STAT5B: variants seen among roughly 807,000 people sequenced by gnomAD.
The protein encoded by STAT5B is signal transducer and activator of transcription 5B.
STAT5B carries 21 observed loss-of-function variants against 107.8 expected under a neutral mutation model. The ratio of observed to expected loss-of-function variants is 0.19; its 90% CI spans 0.14 to 0.28. The LOEUF (loss-of-function observed/expected upper bound fraction) is 0.28, where lower values mean the gene tolerates loss of function less well. Among genes scored for constraint, STAT5B ranks in the 10% least tolerant of loss-of-function variants. STAT5B has a pLI of 1.00. For synonymous variants in STAT5B, 325 were observed against 401.7 expected (o/e 0.81, Z 2.28); for missense variants, 565 against 1,008.2 (o/e 0.56, Z 5.95).
In STAT5B at chr17:42,203,464, GAC is replaced by G. The variant is rs1368442601; in HGVS notation, c.2078-658_2078-657del. 2.0e-5 allele frequency among the ~76,000 whole-genome samples: 3 copies of G among 151,828 alleles called. No homozygotes were observed. In the East Asian group the frequency reaches 5.8e-4, roughly 29 times the overall value. ...CTTAAAGTCCAAGATGCAGCAGAGA[GAC>G]AGGATTTGTTCTACCTGACCCAGGG... On this transcript the variant is annotated intron_variant, in intron 16 of 18. Coordinates refer to ENST00000293328, the MANE Select transcript of STAT5B (RefSeq NM_012448.4).
chr17:42,238,092 TTCTATCCATCCATCCA>T (rs148387348), intron 1 of STAT5B, among the ~76,000 whole-genome samples: 2,902 of 140,204 alleles, frequency 0.021, 97 homozygotes, highest in African/African-American at 0.072. Context: ...GTATAAACTT[TTCTATCCATCCATCCA>T]TCCATCCATC....
intron 1 of STAT5B, among the ~76,000 whole-genome samples, chr17:42,241,420 A>G (rs548090833): frequency 6.6e-6 from 1 of 151,590 alleles, no homozygotes; most frequent in East Asian, 1.9e-4. Context: ...AATATATTAA[A>G]TGGTGGTGGT....
At position 42,200,950 on chromosome 17, in the gene STAT5B, TCA is replaced by T; in HGVS notation, c.*786_*787del. 1 of 397,836 alleles carries T rather than the reference TCA, an allele frequency of 2.5e-6. No homozygotes were observed. Among genetic ancestry groups the T allele is most frequent in the East Asian group, 3.5e-5 (1 of 28,196 alleles). 24.6% of individuals were successfully genotyped at this position (397,836 alleles called of 1,614,324 possible). A position where few individuals can be genotyped will look rare whatever the true frequency, so the allele number is the denominator to read the frequency against. ...CAAACGGCATTGGCACTGTAAGCTC[TCA>T]GTTACGTGGCCCTCTTTTCTCTCCT... On this transcript the variant is annotated 3_prime_UTR_variant, in exon 19 of 19. Coordinates refer to ENST00000293328, the MANE Select transcript of STAT5B (RefSeq NM_012448.4).
chr17:42,285,103 T>C, the STAT5B span, among the ~76,000 whole-genome samples: 5 of 152,046 alleles, frequency 3.3e-5, no homozygotes, highest in Admixed American at 1.3e-4. Context: ...CTTTTCTTTT[T>C]TTTTGAGACA....
chr17:42,241,644 T>C (rs1231468538), intron 1 of STAT5B, among the ~76,000 whole-genome samples: 3 of 152,092 alleles, frequency 2.0e-5, no homozygotes, highest in Non-Finnish European at 4.4e-5. Context: ...GGTTTTACCA[T>C]GTTGGCCAGG....
chr17:42,281,634 G>A (rs969725182), upstream of STAT5B, among the ~76,000 whole-genome samples: 8 of 152,170 alleles, frequency 5.3e-5, no homozygotes, highest in Non-Finnish European at 7.3e-5. Context: ...GGACGGGAGC[G>A]ATGGATGTGC....
Position 42,201,762 on chromosome 17 carries a change from C to T in STAT5B, c.2340G>A (p.Gln780=). 3.1e-6 allele frequency: 5 copies of T among 1,613,852 alleles called. No individual in the cohort carries two copies. Among genetic ancestry groups the T allele is most frequent in the South Asian group, 1.1e-5 (1 of 91,086 alleles). The change falls in exon 19 of 19, where the codon CAG becomes CAA. Residue 780 remains glutamine, a synonymous_variant. Transcript: ENST00000293328. ...GTCACGATTGTGCGTGCGGGATCCA[C>T]TGACTGTCCATTGGCCGGCCCAGGA... ...EELLGRPMDS[Q]WIPHAQS is the part of the protein sequence containing the mutation.
chr17:42,199,297 A>G lies in STAT5B; in HGVS notation c.*2441T>C, dbSNP rs1176159762. 1.3e-5 allele frequency: 2 copies of G among 152,470 alleles called. No homozygotes were observed. The highest frequency in any genetic ancestry group is 4.8e-5 in the African/African-American group (2 of 41,458). 9.4% of individuals were successfully genotyped at this position (152,470 alleles called of 1,614,324 possible). On this transcript the variant is annotated 3_prime_UTR_variant, in exon 19 of 19. Transcript: ENST00000293328. ...AATTTGAGGCCCCAAATTGTACACAATACTTTTTTTTGGTGGCTAAATAAC... is the reference window on the plus strand; with the variant it reads ...AATTTGAGGCCCCAAATTGTACACAGTACTTTTTTTTGGTGGCTAAATAAC...
intron 1 of STAT5B, among the ~76,000 whole-genome samples, chr17:42,275,868 G>T (rs1014196830): frequency 6.6e-6 from 1 of 152,112 alleles, no homozygotes; most frequent in Non-Finnish European, 1.5e-5. Context: ...GACGGCTGGG[G>T]ATATTCGGAA....
rs981219510 is a variant in STAT5B at position 42,216,825 on chromosome 17, G to A, written c.1380+335C>T. Among the ~76,000 whole-genome samples, 8 of 151,902 alleles carry A rather than the reference G, an allele frequency of 5.3e-5. No homozygotes were observed. In the South Asian group the frequency reaches 6.2e-4, roughly 12 times the overall value. On this transcript the variant is annotated intron_variant, in intron 11 of 18. Coordinates refer to ENST00000293328, the MANE Select transcript of STAT5B (RefSeq NM_012448.4). Reference sequence around the variant, plus strand: ...CCTGAGTAGCTGGGATTATAGGCACGTGCCACCACGCCTGGCTAATTTTTG... The same window carrying A: ...CCTGAGTAGCTGGGATTATAGGCACATGCCACCACGCCTGGCTAATTTTTG...
intron 1 of STAT5B, among the ~76,000 whole-genome samples, chr17:42,247,973 A>G (rs1331566948): frequency 6.6e-6 from 1 of 151,496 alleles, no homozygotes; most frequent in Non-Finnish European, 1.5e-5. Context: ...AAAATGTATG[A>G]GAAAAAGAAG....
At chr17:42,214,686 C>T (rs1316206072) in intron 12 of STAT5B, 2 of 931,640 alleles carry the variant, frequency 2.1e-6, no homozygotes, top group Non-Finnish European at 2.6e-6. Context: ...AATGATAACC[C>T]TTTTATCATG....
At chr17:42,266,700 T>C (rs2080675909) in intron 1 of STAT5B, among the ~76,000 whole-genome samples, 1 of 151,956 alleles carries the variant, frequency 6.6e-6, no homozygotes, top group South Asian at 2.1e-4. Context: ...GCAAGACCCC[T>C]GTCTCTATTT....
chr17:42,229,596 G>A (rs2080301855), intron 2 of STAT5B, among the ~76,000 whole-genome samples: 1 of 151,734 alleles, frequency 6.6e-6, no homozygotes, highest in South Asian at 2.1e-4. Flanking sequence ...GATTTGGCTG[G>A]GCCCGGTGGC....
At chr17:42,269,279 G>A (rs1490258246) in intron 1 of STAT5B, among the ~76,000 whole-genome samples, 1 of 152,056 alleles carries the variant, frequency 6.6e-6, no homozygotes, top group African/African-American at 2.4e-5. Flanking sequence ...TCACCATGTT[G>A]GCCAGGCTGG....
chr17:42,236,465 G>A (rs916118642), intron 1 of STAT5B, among the ~76,000 whole-genome samples: 4 of 152,130 alleles, frequency 2.6e-5, no homozygotes, highest in Admixed American at 1.3e-4. Flanking sequence ...TTTTTGAGAC[G>A]GAGTCTCACT....
At chr17:42,226,886 AG>A (rs2080277273) in intron 3 of STAT5B, among the ~76,000 whole-genome samples, 1 of 147,914 alleles carries the variant, frequency 6.8e-6, no homozygotes, top group Non-Finnish European at 1.5e-5. Context: ...ACACTTTGGG[AG>A]GCTGAGGTGG....
chr17:42,225,005 G>A (rs2080261283), intron 3 of STAT5B, 137 bp from the exon 4 acceptor site: 1 of 804,464 alleles, frequency 1.2e-6, no homozygotes, highest in Non-Finnish European at 2.1e-6. Flanking sequence ...ACAGGAACAA[G>A]AAGGCACATC....
intron 1 of STAT5B, among the ~76,000 whole-genome samples, chr17:42,250,428 T>G (rs1161775825): frequency 6.6e-6 from 1 of 152,118 alleles, no homozygotes; most frequent in Non-Finnish European, 1.5e-5. Flanking sequence ...GGAAACAAAA[T>G]AAATGACTTC....
Sources: allele counts gnomAD v4.1 joint callset (sites outside exome capture counted in the v4.1 genomes callset), GRCh38; gene constraint gnomAD v4.1.1; transcripts MANE v1.5; gene names NCBI Gene and HGNC (gene_info 2026-07-23, HGNC 2026-07-21).